Variants in RPF2 observed in about 807,000 individuals in gnomAD.
RPF2 encodes the protein brix domain containing 1.
RPF2 carries 21 observed loss-of-function variants against 38.9 expected under a neutral mutation model. The ratio of observed to expected loss-of-function variants is 0.54; its 90% CI spans 0.38 to 0.78. RPF2 has a LOEUF of 0.78. Among genes scored for constraint, RPF2 ranks in the 30% least tolerant of loss-of-function variants. The pLI is 0.00. For synonymous variants in RPF2, 121 were observed against 126.2 expected (o/e 0.96, Z 0.28); for missense variants, 314 against 358.1 (o/e 0.88, Z 0.99).
rs767884560 is a variant in RPF2 at position 110,989,147 on chromosome 6, CA to C, written c.194+87del. ...ACCACTTTATGGAAGATTTGGAAAA[CA>C]AAAACTTTTTAAAAAGATATTAAAA... On this transcript the variant is annotated intron_variant, in intron 3 of 9. Transcript: ENST00000441448. The C allele has an allele frequency of 5.3e-6, 7 of 1,318,326 alleles. No individual in the cohort carries two copies. In the East Asian group the frequency reaches 2.2e-4, roughly 41 times the overall value. 81.7% of individuals were successfully genotyped at this position (1,318,326 alleles called of 1,614,324 possible). A position where few individuals can be genotyped will look rare whatever the true frequency, so the allele number is the denominator to read the frequency against.
At chr6:110,983,796 C>CG (rs562941947) in intron 1 of RPF2, among the ~76,000 whole-genome samples, 152 of 136,220 alleles carry the variant, frequency 1.1e-3, no homozygotes, top group South Asian at 5.5e-3. Flanking sequence ...GAGGCTGAGG[C>CG]GGGGGGGTGG....
chr6:110,991,387 G>C (rs976035806), intron 3 of RPF2, among the ~76,000 whole-genome samples: 4 of 149,006 alleles, frequency 2.7e-5, no homozygotes, highest in African/African-American at 9.9e-5. Context: ...CACTGTGCTC[G>C]GCGCCCCCTG....
chr6:111,004,283 C>T (rs893410241), intron 6 of RPF2, among the ~76,000 whole-genome samples: 22 of 150,042 alleles, frequency 1.5e-4, no homozygotes, highest in Non-Finnish European at 2.2e-4. Context: ...CCTGGGTTCA[C>T]GCGATTCTCC....
At chr6:111,017,518 G>C (rs1772145079) in intron 8 of RPF2, among the ~76,000 whole-genome samples, 1 of 149,634 alleles carries the variant, frequency 6.7e-6, no homozygotes. Context: ...CGGGCGGAGG[G>C]GCTCCTCACT....
intron 6 of RPF2, among the ~76,000 whole-genome samples, chr6:111,003,387 T>C (rs2114320582): frequency 6.6e-6 from 1 of 151,794 alleles, no homozygotes; most frequent in South Asian, 2.1e-4. Context: ...GCCTACCTGG[T>C]TCAAGCAATT....
rs960943501 is a variant in RPF2, at chr6:111,025,620, A to G, written c.*38A>G. ...AGCCACTACTGTTTCATTGTGTTCT[A>G]CTTAAGAGAATTATCAAGCGTCAAT... On this transcript the variant is annotated 3_prime_UTR_variant, in exon 10 of 10. Coordinates refer to ENST00000441448, the MANE Select transcript of RPF2 (RefSeq NM_032194.3). The G allele has an allele frequency of 6.8e-7, 1 of 1,478,266 alleles. No homozygotes were observed. Among genetic ancestry groups the G allele is most frequent in the South Asian group, 1.3e-5 (1 of 78,846 alleles). 91.6% of individuals were successfully genotyped at this position (1,478,266 alleles called of 1,614,324 possible).
At chr6:110,988,864 C>A in intron 2 of RPF2, 164 bp from the exon 3 acceptor site, 1 of 836,114 alleles carries the variant, frequency 1.2e-6, no homozygotes, top group Non-Finnish European at 1.8e-6. Flanking sequence ...ATTAAGCTTA[C>A]ATTTCAAGTT....
intron 7 of RPF2, among the ~76,000 whole-genome samples, chr6:111,011,304 CTTTCT>C (rs1562373442): frequency 2.6e-5 from 3 of 114,336 alleles, no homozygotes. Flanking sequence ...TTCTTTCTTT[CTTTCT>C]TTTTTTTTTT....
intron 2 of RPF2, among the ~76,000 whole-genome samples, chr6:110,986,229 C>G (rs180835670): frequency 6.6e-6 from 1 of 152,128 alleles, no homozygotes; most frequent in Non-Finnish European, 1.5e-5. Context: ...CTGAAAGCTC[C>G]GTGTAATCAT....
At chr6:110,984,021 T>C (rs915444558) in intron 1 of RPF2, among the ~76,000 whole-genome samples, 2 of 152,020 alleles carry the variant, frequency 1.3e-5, no homozygotes, top group African/African-American at 4.8e-5. Context: ...AGAGCGAGAC[T>C]CTGTCTCAAA....
chr6:110,988,060 A>G (rs1409787221), intron 2 of RPF2, among the ~76,000 whole-genome samples: 1 of 152,090 alleles, frequency 6.6e-6, no homozygotes, highest in Non-Finnish European at 1.5e-5. Flanking sequence ...CTCAAAATAC[A>G]AAAATTAGCT....
chr6:111,024,289 C>T lies in RPF2; in HGVS notation c.703C>T (p.Leu235Phe). The change falls in exon 9 of 10, where the codon CTT (leucine) becomes TTT (phenylalanine). Residue 235 changes from leucine (L) to phenylalanine (F), a missense_variant. By Grantham distance (22) the Leu-to-Phe change is conservative. Coordinates refer to ENST00000441448, the MANE Select transcript of RPF2 (RefSeq NM_032194.3). The stretch of plus-strand genomic sequence containing the variant: ...GAGGACACACCTGGCATCGGATGAC[C>T]TTTATAAATTATCTATGAAAATGCC... ...LRRTHLASDD[L>F]YKLSMKMPKA... is the part of the protein sequence containing the mutation. 3 of 1,612,008 alleles carry T rather than the reference C, an allele frequency of 1.9e-6. No homozygotes were observed. Among genetic ancestry groups the T allele is most frequent in the Non-Finnish European group, 2.5e-6 (3 of 1,179,814 alleles).
At chr6:111,010,128 C>A (rs79929788) in intron 7 of RPF2, among the ~76,000 whole-genome samples, 23 of 130,716 alleles carry the variant, frequency 1.8e-4, no homozygotes, top group Non-Finnish European at 2.8e-4. Flanking sequence ...TTTTTTTTTT[C>A]TTTTTTTTTT....
rs146951817 is a variant in RPF2 at position 111,008,126 on chromosome 6, G to A, written c.482G>A (p.Ser161Asn). 3.2e-6 allele frequency: 5 copies of A among 1,584,616 alleles called. No individual in the cohort carries two copies. The highest frequency in any genetic ancestry group is 4.3e-6 in the Non-Finnish European group (5 of 1,165,266). The change falls in exon 7 of 10, where the codon AGT becomes AAT. Residue 161 changes from serine (S) to asparagine (N), a missense_variant. Ser to Asn is a conservative substitution (Grantham distance 46, BLOSUM62 1). Transcript: ENST00000441448. The stretch of plus-strand genomic sequence containing the variant: ...ACAGAAGATTATAGAAGACTAAAAA[G>A]TCTTCTTATTGGTAAGTATTTTAGT... ...DVTEDYRRLK[S>N]LLIDFFRGPT...
intron 1 of RPF2, 73 bp from the exon 2 acceptor site, chr6:110,984,933 A>G: frequency 1.4e-6 from 2 of 1,403,556 alleles, no homozygotes; most frequent in Non-Finnish European, 1.9e-6. Context: ...AAGAATTTTC[A>G]TATTAGTTAA....
At chr6:110,994,282 A>T (rs527292841) in intron 4 of RPF2, among the ~76,000 whole-genome samples, 57 of 151,888 alleles carry the variant, frequency 3.8e-4, no homozygotes, top group African/African-American at 1.3e-3. Flanking sequence ...TCTCAATAAA[A>T]AAAAAAAAAA....
rs377222407 is a variant in RPF2, at chr6:110,982,066, C to A, written c.-41C>A. On this transcript the variant is annotated 5_prime_UTR_variant, in exon 1 of 10. Coordinates refer to ENST00000441448, the MANE Select transcript of RPF2 (RefSeq NM_032194.3). Reference sequence around the variant, plus strand: ...CCGGCGCACGTAATCGCCGAGGGCACGTGCATGCCCCCTGGTTAAGAGTTG... The same window carrying A: ...CCGGCGCACGTAATCGCCGAGGGCAAGTGCATGCCCCCTGGTTAAGAGTTG... The A allele has an allele frequency of 6.2e-7, 1 of 1,611,714 alleles. No individual in the cohort carries two copies. The highest frequency in any genetic ancestry group is 8.5e-7 in the Non-Finnish European group (1 of 1,177,832).
At chr6:110,984,262 T>G (rs145502156) in intron 1 of RPF2, among the ~76,000 whole-genome samples, 1 of 152,262 alleles carries the variant, frequency 6.6e-6, no homozygotes, top group African/African-American at 2.4e-5. Flanking sequence ...GTTTAGTAAA[T>G]GTCCACAGGT....
intron 7 of RPF2, among the ~76,000 whole-genome samples, chr6:111,015,518 A>G (rs1772091677): frequency 6.6e-6 from 1 of 152,258 alleles, no homozygotes; most frequent in Non-Finnish European, 1.5e-5. Context: ...GCTGACTCAG[A>G]GGAAGAACTT....
Sources: gnomAD v4.1 joint callset for allele counts (sites outside exome capture counted in the v4.1 genomes callset) on GRCh38, gnomAD v4.1.1 for gene constraint, MANE v1.5 for transcripts, NCBI Gene and HGNC (gene_info 2026-07-23, HGNC 2026-07-21) for gene names.